Variants in TANC2 observed in about 807,000 individuals in gnomAD.
TANC2 encodes tetratricopeptide repeat, ankyrin repeat and coiled-coil containing 2.
Under a neutral mutation model 210.5 loss-of-function variants are expected in TANC2, and 26 were observed. The observed-to-expected ratio is 0.12, with a 90% CI of 0.09 to 0.17. The LOEUF (loss-of-function observed/expected upper bound fraction) is 0.17. TANC2 is among the 10% of genes least tolerant of loss of function. The pLI is 1.00. For missense variants in TANC2, 2,129 were observed against 2,608.9 expected, an observed-to-expected ratio of 0.82 and a Z score of 4.01; for synonymous variants, 931 against 967.1, an observed-to-expected ratio of 0.96 and a Z score of 0.69.
chr17:63,355,305 A>G (rs763961124), exon 14 of TANC2: 1 of 1,612,674 alleles, frequency 6.2e-7, no homozygotes, highest in East Asian at 2.2e-5. Flanking sequence ...CAGAGACATG[A>G]CTCGTATGTT....
intron 1 of TANC2, among the ~76,000 whole-genome samples, chr17:62,980,674 G>T (rs139381489): frequency 2.2e-4 from 34 of 152,218 alleles, no homozygotes; most frequent in African/African-American, 8.2e-4. Flanking sequence ...TGCATTAACT[G>T]GGGAGCTTTG....
rs1253382063 is a variant in TANC2 at position 63,418,268 on chromosome 17, C to A, written c.4168-39C>A. ...TTCCCAAGTTGTCTATTTTTTATAT[C>A]TCATCAATGACTCATTTGCACACCT... On this transcript the variant is annotated intron_variant, in intron 26 of 27. Transcript: ENST00000689528. The surrounding 1 kb of genome is among the most constrained non-coding windows in gnomAD (Gnocchi z 4.6). 1 of 1,558,956 alleles carries A rather than the reference C, an allele frequency of 6.4e-7. No homozygotes were observed. The highest frequency in any genetic ancestry group is 2.3e-5 in the East Asian group (1 of 44,256).
At chr17:63,003,086 G>A (rs2033461067) in intron 1 of TANC2, among the ~76,000 whole-genome samples, 1 of 152,078 alleles carries the variant, frequency 6.6e-6, no homozygotes, top group Non-Finnish European at 1.5e-5. Flanking sequence ...CTAAAATAGT[G>A]TGTTGGAATT....
At chr17:63,137,988 A>G (rs1002496122) in intron 4 of TANC2, among the ~76,000 whole-genome samples, 1 of 152,206 alleles carries the variant, frequency 6.6e-6, no homozygotes, top group Non-Finnish European at 1.5e-5. Context: ...TTTCCTGGGC[A>G]TATGGGTAAA....
At chr17:63,198,422 T>G (rs959943148) in intron 6 of TANC2, among the ~76,000 whole-genome samples, 1 of 152,160 alleles carries the variant, frequency 6.6e-6, no homozygotes, top group African/African-American at 2.4e-5. Context: ...CTCAAACTCC[T>G]GGCCTCAAGC....
intron 5 of TANC2, among the ~76,000 whole-genome samples, chr17:63,188,722 A>G (rs2145714351): frequency 6.6e-6 from 1 of 152,308 alleles, no homozygotes; most frequent in South Asian, 2.1e-4. Flanking sequence ...GGTGATGGGT[A>G]CATGGTTCTA....
chr17:63,183,388 A>G (rs1213990837), intron 5 of TANC2, among the ~76,000 whole-genome samples: 1 of 152,256 alleles, frequency 6.6e-6, no homozygotes, highest in Non-Finnish European at 1.5e-5. Context: ...GTAGTGCAAG[A>G]TATTAATGCA....
At chr17:63,204,007 T>C (rs765891758) in intron 7 of TANC2, among the ~76,000 whole-genome samples, 4 of 152,188 alleles carry the variant, frequency 2.6e-5, no homozygotes, top group Non-Finnish European at 5.9e-5. Context: ...AATACATATT[T>C]ATTTGTTTAG....
chr17:63,099,194 C>T (rs1423648150), exon 4 of TANC2: 7 of 1,609,312 alleles, frequency 4.3e-6, no homozygotes, highest in South Asian at 2.2e-5. Context: ...CCACAGAAAG[C>T]GACTGTGCTT....
intron 9 of TANC2, among the ~76,000 whole-genome samples, chr17:63,277,841 G>A (rs1221079566): frequency 5.9e-5 from 9 of 151,774 alleles, no homozygotes; most frequent in South Asian, 2.1e-4. Context: ...TGCCAGATGA[G>A]TCATCAGTAT....
intron 3 of TANC2, among the ~76,000 whole-genome samples, chr17:63,081,718 G>A (rs2036777554): frequency 2.0e-5 from 3 of 152,124 alleles, no homozygotes. Context: ...TAAGCTCTTG[G>A]AATACGTAGC....
chr17:63,006,705 G>C (rs911857472), intron 1 of TANC2, among the ~76,000 whole-genome samples: 1 of 151,956 alleles, frequency 6.6e-6, no homozygotes, highest in East Asian at 1.9e-4. Flanking sequence ...GTTATAGTTT[G>C]TTTTTATTTG....
chr17:63,090,280 G>A (rs2037136020), intron 3 of TANC2, among the ~76,000 whole-genome samples: 1 of 145,790 alleles, frequency 6.9e-6, no homozygotes, highest in Non-Finnish European at 1.5e-5. Context: ...TGTTACATAT[G>A]TATACGTGTG....
chr17:63,129,243 G>T (rs2145204234), intron 4 of TANC2, among the ~76,000 whole-genome samples: 1 of 152,086 alleles, frequency 6.6e-6, no homozygotes, highest in East Asian at 1.9e-4. Context: ...GGCCCAAGCA[G>T]ACCTCCTGCC....
chr17:63,213,098 A>T (rs953846667), intron 7 of TANC2, among the ~76,000 whole-genome samples: 1 of 152,256 alleles, frequency 6.6e-6, no homozygotes, highest in African/African-American at 2.4e-5. Flanking sequence ...TCTATGAAAT[A>T]TTGAAAATAG....
chr17:63,275,505 T>C (rs557223642), intron 9 of TANC2, among the ~76,000 whole-genome samples: 116 of 152,296 alleles, frequency 7.6e-4, no homozygotes, highest in Non-Finnish European at 1.4e-3. Flanking sequence ...TTTATGATGA[T>C]GACTAAGATG....
At chr17:63,051,761 A>G (rs2035590350) in intron 2 of TANC2, among the ~76,000 whole-genome samples, 1 of 152,184 alleles carries the variant, frequency 6.6e-6, no homozygotes, top group Non-Finnish European at 1.5e-5. Flanking sequence ...TACATGAAAC[A>G]GTCAACACTT....
chr17:63,024,907 A>G (rs1012367771), intron 2 of TANC2, among the ~76,000 whole-genome samples: 30 of 152,198 alleles, frequency 2.0e-4, no homozygotes, highest in Non-Finnish European at 3.7e-4. Flanking sequence ...AGTGACTCAG[A>G]TGTAAGAGAT....
intron 8 of TANC2, among the ~76,000 whole-genome samples, chr17:63,251,105 G>A (rs1174234301): frequency 6.6e-6 from 1 of 152,146 alleles, no homozygotes; most frequent in East Asian, 1.9e-4. Context: ...AGTAATGAAA[G>A]ATGAATTGGG....
Sources: gnomAD v4.1 joint callset for allele counts (sites outside exome capture counted in the v4.1 genomes callset) on GRCh38, gnomAD v4.1.1 for gene constraint, Gnocchi (gnomAD v3.1) non-coding constraint, MANE v1.5 for transcripts, NCBI Gene and HGNC (gene_info 2026-07-23, HGNC 2026-07-21) for gene names.